TOM1L2: variants seen among roughly 807,000 people sequenced by gnomAD.
The protein encoded by TOM1L2 is TOM1-like protein 2.
Under a neutral mutation model 67.9 loss-of-function variants are expected in TOM1L2, and 31 were observed. The ratio of observed to expected loss-of-function variants is 0.46; its 90% CI spans 0.34 to 0.62. The LOEUF is 0.62. TOM1L2 is among the 20% of genes least tolerant of loss of function. The probability of loss-of-function intolerance (pLI) is 0.01; values close to 1 mark genes in which losing one functional copy is unlikely to be tolerated. For missense variants in TOM1L2, 606 were observed against 663.5 expected, an observed-to-expected ratio of 0.91 and a Z score of 0.95; for synonymous variants, 256 against 254.0, an observed-to-expected ratio of 1.01 and a Z score of -0.07.
chr17:17,906,131 C>CAT (rs2039088303), intron 2 of TOM1L2, among the ~76,000 whole-genome samples: 1 of 147,170 alleles, frequency 6.8e-6, no homozygotes. Flanking sequence ...CTTCTCTTTT[C>CAT]ATTTTTTTTT....
intron 2 of TOM1L2, among the ~76,000 whole-genome samples, chr17:17,900,366 A>G (rs1473427444): frequency 6.6e-5 from 10 of 151,616 alleles, no homozygotes; most frequent in Admixed American, 6.6e-4. Flanking sequence ...CTAAAAATAC[A>G]AAAAAATTAG....
intron 1 of TOM1L2, among the ~76,000 whole-genome samples, chr17:17,929,201 A>G (rs930518146): frequency 6.6e-6 from 1 of 152,208 alleles, no homozygotes; most frequent in South Asian, 2.1e-4. Flanking sequence ...GGGGAAGTCA[A>G]GAACTGCCCA....
In TOM1L2 at chr17:17,866,429, C is replaced by T. The variant is rs1460430316; in HGVS notation, c.961-10G>A. ...TTACTTCATTCAGTACCTGTCAGAA[C>T]ATGAGATTGGCCATAAGCCCCAGAA... On this transcript the variant is annotated splice_polypyrimidine_tract_variant and intron_variant, in intron 9 of 14. Coordinates refer to ENST00000379504, the MANE Select transcript of TOM1L2 (RefSeq NM_001082968.2). 1 of 1,587,402 alleles carries T rather than the reference C, an allele frequency of 6.3e-7. No individual in the cohort carries two copies. Among genetic ancestry groups the T allele is most frequent in the Admixed American group, 1.8e-5 (1 of 56,658 alleles).
chr17:17,965,139 A>G (rs528960107), intron 1 of TOM1L2, among the ~76,000 whole-genome samples: 2 of 151,452 alleles, frequency 1.3e-5, no homozygotes, highest in African/African-American at 4.8e-5. Flanking sequence ...CATGGTAGAG[A>G]GAATGATCTT....
At chr17:17,928,412 T>A (rs1272038724) in intron 1 of TOM1L2, among the ~76,000 whole-genome samples, 1 of 152,196 alleles carries the variant, frequency 6.6e-6, no homozygotes, top group Non-Finnish European at 1.5e-5. Flanking sequence ...GGCATAGGAA[T>A]GCTAAGAGGA....
chr17:17,932,360 C>A (rs773435585), intron 1 of TOM1L2, among the ~76,000 whole-genome samples: 8 of 152,072 alleles, frequency 5.3e-5, no homozygotes, highest in Non-Finnish European at 1.0e-4. Context: ...AAACTCCTGG[C>A]CTCAAGCAAT....
intron 1 of TOM1L2, among the ~76,000 whole-genome samples, chr17:17,911,199 C>T (rs920586782): frequency 6.6e-6 from 1 of 152,128 alleles, no homozygotes; most frequent in Non-Finnish European, 1.5e-5. Context: ...GGTCCTACCC[C>T]AGGCGAGAGA....
chr17:17,944,680 T>C lies in TOM1L2; in HGVS notation c.52+27582A>G, dbSNP rs146071694. On this transcript the variant is annotated intron_variant, in intron 1 of 14. Coordinates refer to ENST00000379504, the MANE Select transcript of TOM1L2 (RefSeq NM_001082968.2). ...ACACAATGATTTTTATTTAACATAG[T>C]ATAAAACCAACGTCTCCTACAAGGA... is the stretch of plus-strand genomic sequence containing the variant. Among the ~76,000 whole-genome samples the C allele has an allele frequency of 2.0e-5, 3 of 152,292 alleles. No homozygotes were observed. The East Asian group carries it at 5.8e-4, about 29-fold the overall frequency.
chr17:17,956,101 C>G (rs929830900), intron 1 of TOM1L2, among the ~76,000 whole-genome samples: 4 of 152,170 alleles, frequency 2.6e-5, no homozygotes, highest in Non-Finnish European at 5.9e-5. Flanking sequence ...AAGCCTCCCC[C>G]GCACGAAAAA....
At chr17:17,940,192 CAAAAAAAAAAAAAA>C (rs34433429) in intron 1 of TOM1L2, among the ~76,000 whole-genome samples, 4 of 32,612 alleles carry the variant, frequency 1.2e-4, no homozygotes, top group African/African-American at 3.5e-4. Flanking sequence ...GACTCTATCT[CAAAAAAAAAAAAAA>C]AAAAAAAAAA....
intron 1 of TOM1L2, among the ~76,000 whole-genome samples, chr17:17,968,423 T>G (rs1186642783): frequency 6.6e-6 from 1 of 152,146 alleles, no homozygotes; most frequent in Non-Finnish European, 1.5e-5. Flanking sequence ...TCCTAGCACT[T>G]TGGGAGGCCA....
chr17:17,958,779 A>T (rs1377176133), intron 1 of TOM1L2, among the ~76,000 whole-genome samples: 1 of 152,170 alleles, frequency 6.6e-6, no homozygotes, highest in Non-Finnish European at 1.5e-5. Context: ...TGCTAATGAG[A>T]TTGGGGCTCC....
chr17:17,960,340 T>C (rs956035351), intron 1 of TOM1L2, among the ~76,000 whole-genome samples: 12 of 152,176 alleles, frequency 7.9e-5, no homozygotes, highest in Admixed American at 7.2e-4. Flanking sequence ...TACTTGACTT[T>C]TTTTTTTCTG....
intron 1 of TOM1L2, among the ~76,000 whole-genome samples, chr17:17,909,498 G>A (rs1202435172): frequency 6.9e-6 from 1 of 145,040 alleles, no homozygotes; most frequent in African/African-American, 2.6e-5. Flanking sequence ...CTTTCACCAA[G>A]ACAAATACTA....
At chr17:17,907,769 G>A (rs1281232438) in intron 1 of TOM1L2, among the ~76,000 whole-genome samples, 1 of 152,132 alleles carries the variant, frequency 6.6e-6, no homozygotes, top group East Asian at 1.9e-4. Flanking sequence ...GCTTATGACA[G>A]GCCTAAGCCA....
At position 17,879,823 on chromosome 17, in the gene TOM1L2, C is replaced by T; in HGVS notation, c.661-80G>A. 10 of 1,211,364 alleles carry T rather than the reference C, an allele frequency of 8.3e-6. No homozygotes were observed. The Admixed American group carries it at 1.2e-4, about 14-fold the overall frequency. 75.0% of individuals were successfully genotyped at this position (1,211,364 alleles called of 1,614,324 possible). On this transcript the variant is annotated intron_variant, in intron 6 of 14. Coordinates refer to ENST00000379504, the MANE Select transcript of TOM1L2 (RefSeq NM_001082968.2). ...TTGCAATATCAGAATCAGCTTGCTC[C>T]TAGTCTAGTGACAATCCTTCTCACT... is the stretch of plus-strand genomic sequence containing the variant.
intron 2 of TOM1L2, among the ~76,000 whole-genome samples, chr17:17,902,503 G>A (rs1017010712): frequency 6.6e-6 from 1 of 152,262 alleles, no homozygotes; most frequent in East Asian, 1.9e-4. Flanking sequence ...CCTTTGGCAA[G>A]TGACCAAACT....
At chr17:17,856,172 T>C (rs2036242814) in intron 12 of TOM1L2, among the ~76,000 whole-genome samples, 1 of 152,198 alleles carries the variant, frequency 6.6e-6, no homozygotes, top group African/African-American at 2.4e-5. Flanking sequence ...GCAGGATTAA[T>C]AGGCACAAGG....
chr17:17,848,749 G>A, intron 14 of TOM1L2, 74 bp downstream of exon 14: 1 of 1,551,652 alleles, frequency 6.4e-7, no homozygotes, highest in Non-Finnish European at 8.9e-7. Flanking sequence ...GCTCCAAGAT[G>A]ATGGGGGCTG....
Sources: gnomAD v4.1 joint callset for allele counts (sites outside exome capture counted in the v4.1 genomes callset) on GRCh38, gnomAD v4.1.1 for gene constraint, MANE v1.5 for transcripts, NCBI Gene and HGNC (gene_info 2026-07-23, HGNC 2026-07-21) for gene names.